NPFF: variants seen among roughly 807,000 people sequenced by gnomAD.
NPFF encodes the protein neuropeptide FF-amide peptide precursor, also known as pro-FMRFamide-related neuropeptide FF.
Under a neutral mutation model 12.9 loss-of-function variants are expected in NPFF, and 14 were observed. The observed-to-expected ratio is 1.09, with a 90% CI of 0.72 to 1.70. The LOEUF (loss-of-function observed/expected upper bound fraction) is 1.70, where lower values mean the gene tolerates loss of function less well. Ranked by LOEUF, NPFF falls within the 40% of genes most tolerant of loss-of-function variation. NPFF has a pLI of 0.00. For missense variants in NPFF, 140 were observed against 135.7 expected (o/e 1.03, Z -0.16); for synonymous variants, 56 against 57.3 (o/e 0.98, Z 0.10).
In NPFF at chr12:53,506,778, A is replaced by ACTT. The variant is rs1565904178; in HGVS notation, c.337_339dup (p.Lys113dup). On this transcript the variant is annotated inframe_insertion, in exon 3 of 3. Coordinates refer to ENST00000267017, the MANE Select transcript of NPFF (RefSeq NM_003717.4). ...CAGACATATCAAGGGATGACATGTCACTTCTTCCCAAAGCGTTGAGGGGCA... is the reference window on the plus strand; with the variant it reads ...CAGACATATCAAGGGATGACATGTCACTTCTTCTTCCCAAAGCGTTGAGGGGCA... 1 of 1,544,856 alleles carries ACTT rather than the reference A, an allele frequency of 6.5e-7. No homozygotes were observed.
At chr12:53,507,246 G>T in intron 1 of NPFF, 104 bp from the exon 2 acceptor site, 2 of 1,583,172 alleles carry the variant, frequency 1.3e-6, no homozygotes, top group Non-Finnish European at 1.7e-6. Flanking sequence ...AGGAGGCTGC[G>T]GAACCATTTC....
Position 53,507,013 on chromosome 12 carries a change from A to G in NPFF, c.224+8T>C. 2 of 1,613,096 alleles carry G rather than the reference A, an allele frequency of 1.2e-6. No homozygotes were observed. Among genetic ancestry groups the G allele is most frequent in the Non-Finnish European group, 1.7e-6 (2 of 1,179,566 alleles). On this transcript the variant is annotated splice_region_variant and intron_variant, in intron 2 of 2. Coordinates refer to ENST00000267017, the MANE Select transcript of NPFF (RefSeq NM_003717.4). ...CCCCTGCCATGCTTGTGTCCCTTTC[A>G]GACTCACCTCTGGGGCTGAAACAGG...
rs188029637 is a variant in NPFF, at chr12:53,506,772, C to T, written c.*4G>A. ...TGCATGCAGACATATCAAGGGATGA[C>T]ATGTCACTTCTTCCCAAAGCGTTGA... On this transcript the variant is annotated 3_prime_UTR_variant, in exon 3 of 3. Transcript: ENST00000267017. 10 of 1,531,166 alleles carry T rather than the reference C, an allele frequency of 6.5e-6. No individual in the cohort carries two copies. In the African/African-American group the frequency reaches 1.4e-4, roughly 21 times the overall value. The allele number at this position is 1,531,166 out of a possible 1,614,324, so 94.8% of individuals were successfully genotyped here. A position where few individuals can be genotyped will look rare whatever the true frequency, so the allele number is the denominator to read the frequency against.
At chr12:53,506,984 C>A in intron 2 of NPFF, 37 bp downstream of exon 2, 1 of 1,605,358 alleles carries the variant, frequency 6.2e-7, no homozygotes, top group Non-Finnish European at 8.5e-7. Context: ...CTTTCCACCC[C>A]CAGCCCCTGC....
In NPFF at chr12:53,507,400, T is replaced by G. The variant is rs373151136; in HGVS notation, c.75A>C (p.Gly25=). ...LIDGGCAEGP[G]GQQEDQLSAE... is the part of the protein sequence containing the mutation. ...CGGAGAGCTGGTCTTCCTGCTGGCC[T>G]CCTGGCCCTTCAGCACAGCCCCCGT... is the stretch of plus-strand genomic sequence containing the variant. The change falls in exon 1 of 3, where the codon GGA becomes GGC. Residue 25 remains glycine (G), a synonymous_variant. Transcript: ENST00000267017. 10 of 1,613,938 alleles carry G rather than the reference T, an allele frequency of 6.2e-6. No individual in the cohort carries two copies. Among genetic ancestry groups the G allele is most frequent in the South Asian group, 1.1e-5 (1 of 91,090 alleles).
Position 53,506,812 on chromosome 12 carries a change from C to G in NPFF, c.306G>C (p.Trp102Cys). 1 of 1,595,806 alleles carries G rather than the reference C, an allele frequency of 6.3e-7. No individual in the cohort carries two copies. The highest frequency in any genetic ancestry group is 1.1e-5 in the South Asian group (1 of 88,180). ...RAGEGLNSQFWSLAAPQRFGK... is the reference protein window; with the variant it reads ...RAGEGLNSQFCSLAAPQRFGK... ...CAAAGCGTTGAGGGGCAGCCAGGCT[C>G]CAGAACTGGGAATTCAGCCCCTCTC... is the stretch of plus-strand genomic sequence containing the variant. The change falls in exon 3 of 3, where the codon TGG becomes TGC. Residue 102 changes from tryptophan (W) to cysteine (C), a missense_variant. By Grantham distance (215) the Trp-to-Cys change is radical. Coordinates refer to ENST00000267017, the MANE Select transcript of NPFF (RefSeq NM_003717.4).
In NPFF at chr12:53,507,162, G is replaced by A; in HGVS notation, c.103-20C>T. The A allele has an allele frequency of 1.2e-6, 2 of 1,612,090 alleles. No homozygotes were observed. The highest frequency in any genetic ancestry group is 1.7e-6 in the Non-Finnish European group (2 of 1,178,892). ...TTCCTCCTGTGCCAAGGGGGTATCAGGGAAGGAAGATGGGCAAATACCCTG... is the reference window on the plus strand; with the variant it reads ...TTCCTCCTGTGCCAAGGGGGTATCAAGGAAGGAAGATGGGCAAATACCCTG... On this transcript the variant is annotated intron_variant, in intron 1 of 2. Transcript: ENST00000267017.
Position 53,506,737 on chromosome 12 carries a change from G to T in NPFF, c.*39C>A, listed in dbSNP as rs1944003749. The T allele has an allele frequency of 3.5e-6, 5 of 1,410,902 alleles. No individual in the cohort carries two copies. Among genetic ancestry groups the T allele is most frequent in the Middle Eastern group, 3.7e-4 (2 of 5,408 alleles). 87.4% of individuals were successfully genotyped at this position (1,410,902 alleles called of 1,614,324 possible). A position where few individuals can be genotyped will look rare whatever the true frequency, so the allele number is the denominator to read the frequency against. On this transcript the variant is annotated 3_prime_UTR_variant, in exon 3 of 3. Transcript: ENST00000267017. ...GGGGGGCAAACATTGACACTTTTGG[G>T]TGTGGACCTTGCATGCAGACATATC...
rs758971741 is a variant in NPFF at position 53,507,033 on chromosome 12, A to C, written c.212T>G (p.Phe71Cys). The change falls in exon 2 of 3, where the codon TTT (phenylalanine) becomes TGT (cysteine). Residue 71 changes from phenylalanine to cysteine, a missense_variant. Transcript: ENST00000267017. ...ERPGRSQAFL[F>C]QPQRFGRNTQ... ...CTTTCAGACTCACCTCTGGGGCTGA[A>C]ACAGGAAGGCTTGGCTCCGGCCAGG... 3.1e-6 allele frequency: 5 copies of C among 1,613,710 alleles called. No individual in the cohort carries two copies. The highest frequency in any genetic ancestry group is 4.2e-6 in the Non-Finnish European group (5 of 1,179,882).
chr12:53,507,301 T>C, intron 1 of NPFF, 72 bp downstream of exon 1: 3 of 1,604,424 alleles, frequency 1.9e-6, no homozygotes, highest in Non-Finnish European at 2.6e-6. Context: ...CCAGAGAAAG[T>C]ATCAGAACCT....
At chr12:53,507,173 T>C (rs1565904888) in intron 1 of NPFF, 31 bp from the exon 2 acceptor site, 3 of 1,610,758 alleles carry the variant, frequency 1.9e-6, no homozygotes, top group Admixed American at 1.7e-5. Flanking sequence ...GGAAGGAAGA[T>C]GGGCAAATAC....
At position 53,507,416 on chromosome 12, in the gene NPFF, C is replaced by T; in HGVS notation, c.59G>A (p.Cys20Tyr). 1.9e-6 allele frequency: 3 copies of T among 1,614,074 alleles called. No homozygotes were observed. Among genetic ancestry groups the T allele is most frequent in the Non-Finnish European group, 2.5e-6 (3 of 1,180,020 alleles). Residue 20 changes from cysteine to tyrosine, a missense_variant, in exon 1 of 3, where the codon TGT (cysteine) becomes TAT (tyrosine). By Grantham distance (194) the Cys-to-Tyr change is radical. Coordinates refer to ENST00000267017, the MANE Select transcript of NPFF (RefSeq NM_003717.4). ...CTGCTGGCCTCCTGGCCCTTCAGCA[C>T]AGCCCCCGTCTATTAACAGCAGCAG... ...LVLLLLIDGGCAEGPGGQQED... is the reference protein window; with the variant it reads ...LVLLLLIDGGYAEGPGGQQED...
At position 53,506,736 on chromosome 12, in the gene NPFF, GGT is replaced by G. The variant is rs751799544; in HGVS notation, c.*38_*39del. On this transcript the variant is annotated 3_prime_UTR_variant, in exon 3 of 3. Coordinates refer to ENST00000267017, the MANE Select transcript of NPFF (RefSeq NM_003717.4). The stretch of plus-strand genomic sequence containing the variant: ...TGGGGGGCAAACATTGACACTTTTG[GGT>G]GTGGACCTTGCATGCAGACATATCA... 3.6e-6 allele frequency: 5 copies of G among 1,403,382 alleles called. No homozygotes were observed. In the South Asian group the frequency reaches 5.5e-5, roughly 15 times the overall value. 86.9% of individuals were successfully genotyped at this position (1,403,382 alleles called of 1,614,324 possible). A position where few individuals can be genotyped will look rare whatever the true frequency, so the allele number is the denominator to read the frequency against.
chr12:53,506,847 G>A lies in NPFF; in HGVS notation c.271C>T (p.Pro91Ser). ...QGSWRNEWLS[P>S]RAGEGLNSQF... ...GAATTCAGCCCCTCTCCAGCCCGGG[G>A]ACTCAGCCATTCATTCCTCCAGGAT... The change falls in exon 3 of 3, where the codon CCC becomes TCC. Residue 91 changes from proline to serine, a missense_variant. Coordinates refer to ENST00000267017, the MANE Select transcript of NPFF (RefSeq NM_003717.4). 6.2e-7 allele frequency: 1 copy of A among 1,604,854 alleles called. No individual in the cohort carries two copies.
Position 53,507,084 on chromosome 12 carries a change from T to A in NPFF, c.161A>T (p.His54Leu), listed in dbSNP as rs748986687. ...QDAQTSGSLL[H>L]YLLQAMERPG... ...TCTCTCCATTGCCTGGAGCAGGTAG[T>A]GCAACAGTGACCCAGAGGTCTGGGC... The change falls in exon 2 of 3, where the codon CAC becomes CTC. Residue 54 changes from histidine (H) to leucine (L), a missense_variant. Transcript: ENST00000267017. 8 of 1,613,904 alleles carry A rather than the reference T, an allele frequency of 5.0e-6. No homozygotes were observed. In the Admixed American group the frequency reaches 1.0e-4, roughly 20 times the overall value.
At chr12:53,507,251 C>A in intron 1 of NPFF, 109 bp from the exon 2 acceptor site, 7 of 1,584,026 alleles carry the variant, frequency 4.4e-6, no homozygotes, top group Middle Eastern at 1.7e-4. Context: ...GCTGCGGAAC[C>A]ATTTCCTCAG....
rs1944022763 is a variant in NPFF, at chr12:53,507,026, G to A, written c.219C>T (p.Pro73=). 6.2e-7 allele frequency: 1 copy of A among 1,613,712 alleles called. No individual in the cohort carries two copies. The highest frequency in any genetic ancestry group is 8.5e-7 in the Non-Finnish European group (1 of 1,179,856). The change falls in exon 2 of 3, where the codon CCC becomes CCT. Residue 73 remains proline (P), a synonymous_variant. Coordinates refer to ENST00000267017, the MANE Select transcript of NPFF (RefSeq NM_003717.4). ...PGRSQAFLFQ[P]QRFGRNTQGS... ...TGTGTCCCTTTCAGACTCACCTCTG[G>A]GGCTGAAACAGGAAGGCTTGGCTCC...
chr12:53,507,374 G>A lies in NPFF; in HGVS notation c.101C>T (p.Ala34Val), dbSNP rs199776807. ...TATGGGGATGGGACACACACTCACC[G>A]CGGAGAGCTGGTCTTCCTGCTGGCC... Reference protein sequence around the residue: ...PGGQQEDQLSAEEDSEPLPPQ... With the variant: ...PGGQQEDQLSVEEDSEPLPPQ... Residue 34 changes from alanine to valine, a missense_variant and splice_region_variant, in exon 1 of 3, where the codon GCG becomes GTG. Ala to Val is a moderately conservative substitution (Grantham distance 64). Coordinates refer to ENST00000267017, the MANE Select transcript of NPFF (RefSeq NM_003717.4). The A allele has an allele frequency of 8.7e-6, 14 of 1,613,998 alleles. No homozygotes were observed. The highest frequency in any genetic ancestry group is 2.2e-5 in the East Asian group (1 of 44,882).
Position 53,507,015 on chromosome 12 carries a change from A to C in NPFF, c.224+6T>G. Reference sequence around the variant, plus strand: ...CCTGCCATGCTTGTGTCCCTTTCAGACTCACCTCTGGGGCTGAAACAGGAA... The same window carrying C: ...CCTGCCATGCTTGTGTCCCTTTCAGCCTCACCTCTGGGGCTGAAACAGGAA... On this transcript the variant is annotated splice_donor_region_variant and intron_variant, in intron 2 of 2. Transcript: ENST00000267017. 6.2e-7 allele frequency: 1 copy of C among 1,612,452 alleles called. No homozygotes were observed. Among genetic ancestry groups the C allele is most frequent in the Non-Finnish European group, 8.5e-7 (1 of 1,179,370 alleles).
Sources: gnomAD v4.1 joint callset for allele counts on GRCh38, gnomAD v4.1.1 for gene constraint, MANE v1.5 for transcripts, NCBI Gene and HGNC (gene_info 2026-07-23, HGNC 2026-07-21) for gene names.